KIAA0513: variants seen among roughly 807,000 people sequenced by gnomAD.
KIAA0513 encodes KIAA0513, also known as uncharacterized protein KIAA0513.
A neutral mutation model predicts 56.5 loss-of-function variants in KIAA0513; 39 were observed. That is an observed-to-expected ratio of 0.69 (90% CI 0.53 to 0.90). KIAA0513 has a LOEUF of 0.90. Ranked by LOEUF, KIAA0513 falls within the 40% of genes least tolerant of loss-of-function variation. The probability of loss-of-function intolerance (pLI) is 0.00; values close to 1 mark genes in which losing one functional copy is unlikely to be tolerated. For missense variants in KIAA0513, 591 were observed against 535.2 expected (o/e 1.10, Z -1.03); for synonymous variants, 268 against 215.6 (o/e 1.24, Z -2.13).
intron 2 of KIAA0513, among the ~76,000 whole-genome samples, chr16:85,067,647 G>A (rs961042907): frequency 2.0e-5 from 3 of 152,172 alleles, no homozygotes; most frequent in African/African-American, 7.2e-5. Context: ...CAGTTCTCTA[G>A]GGTGAGGCCC....
chr16:85,081,783 C>T lies in KIAA0513; in HGVS notation c.980+391C>T, dbSNP rs748185813. On this transcript the variant is annotated intron_variant, in intron 9 of 12. Transcript: ENST00000683363. The surrounding 1 kb of genome is among the most constrained non-coding windows in gnomAD (Gnocchi z 4.4). ...TGGCCACCATCCCCGAGACTGCCCT[C>T]GAGAGCTGGCGCCTGGGGAATGCAG... 3.3e-5 allele frequency among the ~76,000 whole-genome samples: 5 copies of T among 152,210 alleles called. No homozygotes were observed. Among genetic ancestry groups the T allele is most frequent in the South Asian group, 2.1e-4 (1 of 4,834 alleles).
intron 1 of KIAA0513, among the ~76,000 whole-genome samples, chr16:85,051,188 C>T (rs920003313): frequency 6.6e-6 from 1 of 152,072 alleles, no homozygotes; most frequent in Non-Finnish European, 1.5e-5. Flanking sequence ...AGTTGAAGCC[C>T]TAGTTTTGTG....
intron 1 of KIAA0513, among the ~76,000 whole-genome samples, chr16:85,029,191 T>C (rs183810533): frequency 6.6e-6 from 1 of 152,294 alleles, no homozygotes; most frequent in East Asian, 1.9e-4. Flanking sequence ...TGAAATTGGC[T>C]CGCAATGAAA....
chr16:85,068,620 C>T (rs567408110), intron 2 of KIAA0513, among the ~76,000 whole-genome samples: 1 of 152,176 alleles, frequency 6.6e-6, no homozygotes, highest in East Asian at 1.9e-4. Flanking sequence ...GTGTGAGCCA[C>T]CACGCCTGGC....
intron 1 of KIAA0513, among the ~76,000 whole-genome samples, chr16:85,057,694 G>A (rs960230873): frequency 2.6e-5 from 4 of 152,174 alleles, no homozygotes; most frequent in African/African-American, 9.7e-5. Flanking sequence ...GAGGCAGTCA[G>A]CCAGAGCTAG....
intron 1 of KIAA0513, among the ~76,000 whole-genome samples, chr16:85,065,785 C>T (rs1216560287): frequency 6.6e-6 from 1 of 152,176 alleles, no homozygotes; most frequent in Non-Finnish European, 1.5e-5. Flanking sequence ...TCCCGCCTAG[C>T]TGTCTGCCTC....
At chr16:85,067,585 G>A (rs2073506408) in intron 2 of KIAA0513, among the ~76,000 whole-genome samples, 185 bp downstream of exon 2, 1 of 152,156 alleles carries the variant, frequency 6.6e-6, no homozygotes, top group South Asian at 2.1e-4. Context: ...GAGCCACGTG[G>A]AGAACTTTAA....
intron 4 of KIAA0513, among the ~76,000 whole-genome samples, chr16:85,073,823 G>A (rs1158225377): frequency 2.0e-5 from 3 of 152,170 alleles, no homozygotes; most frequent in African/African-American, 7.2e-5. Context: ...GTCCCCTCCT[G>A]GTCCTTGGCT....
intron 1 of KIAA0513, among the ~76,000 whole-genome samples, chr16:85,031,591 T>G (rs2072965428): frequency 6.6e-6 from 1 of 152,190 alleles, no homozygotes; most frequent in Non-Finnish European, 1.5e-5. Flanking sequence ...ACCCTGCCTG[T>G]TTCTCCAGCT....
rs139371964 is a variant in KIAA0513, at chr16:85,046,121, T to C, written c.-173+18263T>C. 3.1e-3 allele frequency among the ~76,000 whole-genome samples: 466 copies of C among 152,326 alleles called. 4 individuals are homozygous for C. Among genetic ancestry groups the C allele is most frequent in the African/African-American group, 0.01 (416 of 41,586 alleles). Reference sequence around the variant, plus strand: ...AGCTGCTTCGGCCCTTCCCTTGGTCTCTGGCTGTTTGAGCTTTATATAGAG... The same window carrying C: ...AGCTGCTTCGGCCCTTCCCTTGGTCCCTGGCTGTTTGAGCTTTATATAGAG... On this transcript the variant is annotated intron_variant, in intron 1 of 12. Coordinates refer to ENST00000683363, the MANE Select transcript of KIAA0513 (RefSeq NM_001388359.1).
chr16:85,049,969 C>A (rs777346351), intron 1 of KIAA0513, among the ~76,000 whole-genome samples: 1 of 152,156 alleles, frequency 6.6e-6, no homozygotes, highest in Non-Finnish European at 1.5e-5. Flanking sequence ...GGTCTCTGTC[C>A]GAGTTGAATT....
At chr16:85,035,811 T>C (rs2073028410) in intron 1 of KIAA0513, among the ~76,000 whole-genome samples, 1 of 152,042 alleles carries the variant, frequency 6.6e-6, no homozygotes, top group Admixed American at 6.6e-5. Flanking sequence ...ACCCCGTCTC[T>C]ACTAAAAGAA....
intron 10 of KIAA0513, among the ~76,000 whole-genome samples, chr16:85,083,064 T>C (rs940323452): frequency 6.6e-6 from 1 of 152,200 alleles, no homozygotes; most frequent in African/African-American, 2.4e-5. Flanking sequence ...GTGCAGAGCC[T>C]GTCCTGTTTG....
intron 3 of KIAA0513, 33 bp from the exon 4 acceptor site, chr16:85,072,892 A>T (rs190244458): frequency 6.2e-7 from 1 of 1,608,520 alleles, no homozygotes; most frequent in African/African-American, 1.3e-5. Context: ...GTCGCCCTGA[A>T]CCTCAATGAT....
rs769096593 is a variant in KIAA0513 at position 85,077,509 on chromosome 16, T to C, written c.659T>C (p.Leu220Pro). 2 of 1,614,182 alleles carry C rather than the reference T, an allele frequency of 1.2e-6. No individual in the cohort carries two copies. Among genetic ancestry groups the C allele is most frequent in the African/African-American group, 1.3e-5 (1 of 75,058 alleles). The change falls in exon 6 of 13, where the codon CTG becomes CCG. Residue 220 changes from leucine (L) to proline (P), a missense_variant. Leu to Pro is a moderately conservative substitution (Grantham distance 98). Transcript: ENST00000683363. ...DSYLKSANSWLAEKKDIAERL... is the reference protein window; with the variant it reads ...DSYLKSANSWPAEKKDIAERL... ...TACCTGAAATCCGCAAACAGCTGGC[T>C]GGCCGAAAAGAAGGACATCGCCGAG...
chr16:85,050,933 A>T (rs1358632083), intron 1 of KIAA0513, among the ~76,000 whole-genome samples: 2 of 152,146 alleles, frequency 1.3e-5, no homozygotes, highest in Non-Finnish European at 2.9e-5. Context: ...AGGCGGCAGG[A>T]TCACTTGAGC....
At position 85,077,496 on chromosome 16, in the gene KIAA0513, G is replaced by A. The variant is rs756568295; in HGVS notation, c.646G>A (p.Ala216Thr). ...AGSIDSYLKS[A>T]NSWLAEKKDI... ...CAGCATCGACTCCTACCTGAAATCCGCAAACAGCTGGCTGGCCGAAAAGAA... is the reference window on the plus strand; with the variant it reads ...CAGCATCGACTCCTACCTGAAATCCACAAACAGCTGGCTGGCCGAAAAGAA... Residue 216 changes from alanine (A) to threonine (T), a missense_variant, in exon 6 of 13, where the codon GCA becomes ACA. Physicochemically the swap from Ala to Thr is moderately conservative, Grantham distance 58 (BLOSUM62 0). Transcript: ENST00000683363. 18 of 1,614,042 alleles carry A rather than the reference G, an allele frequency of 1.1e-5. No homozygotes were observed. The highest frequency in any genetic ancestry group is 3.3e-5 in the South Asian group (3 of 91,088).
intron 8 of KIAA0513, among the ~76,000 whole-genome samples, chr16:85,080,498 A>G (rs1385597292): frequency 6.6e-6 from 1 of 152,170 alleles, no homozygotes; most frequent in Non-Finnish European, 1.5e-5. Context: ...GATGTTCTTT[A>G]AGAAGAATTT....
At chr16:85,069,369 C>T (rs137963731) in intron 2 of KIAA0513, among the ~76,000 whole-genome samples, 30 of 152,252 alleles carry the variant, frequency 2.0e-4, no homozygotes, top group East Asian at 3.9e-4. Context: ...CGCCACTATA[C>T]TGGCCAGCAG....
Sources: allele counts gnomAD v4.1 joint callset (sites outside exome capture counted in the v4.1 genomes callset), GRCh38; gene constraint gnomAD v4.1.1; non-coding constraint Gnocchi (gnomAD v3.1); transcripts MANE v1.5; gene names NCBI Gene and HGNC (gene_info 2026-07-23, HGNC 2026-07-21).